Variants in TMC5 observed in about 807,000 individuals in gnomAD.
TMC5 encodes transmembrane channel like 5.
TMC5 carries 86 observed loss-of-function variants against 110.5 expected under a neutral mutation model. The observed-to-expected ratio is 0.78, with a 90% CI of 0.65 to 0.93. The LOEUF (loss-of-function observed/expected upper bound fraction) is 0.93. Ranked by LOEUF, TMC5 falls within the 40% of genes least tolerant of loss-of-function variation. TMC5 has a pLI of 0.00. For synonymous variants in TMC5, 455 were observed against 439.5 expected (o/e 1.04, Z -0.44); for missense variants, 1,144 against 1,222.8 (o/e 0.94, Z 0.96).
chr16:19,436,013 G>T (rs1354459759), intron 2 of TMC5, among the ~76,000 whole-genome samples: 1 of 152,064 alleles, frequency 6.6e-6, no homozygotes, highest in Non-Finnish European at 1.5e-5. Context: ...TGTAATCCTA[G>T]CACTTTGGGA....
intron 11 of TMC5, among the ~76,000 whole-genome samples, chr16:19,472,680 A>G (rs1029017553): frequency 6.6e-6 from 1 of 152,044 alleles, no homozygotes; most frequent in Non-Finnish European, 1.5e-5. Context: ...CAACATCTCT[A>G]TGAGTCATGT....
At chr16:19,424,203 T>A (rs781489186) in intron 1 of TMC5, among the ~76,000 whole-genome samples, 1 of 152,200 alleles carries the variant, frequency 6.6e-6, no homozygotes, top group African/African-American at 2.4e-5. Context: ...GGCTGTAAAG[T>A]AGAAGTTTTT....
intron 9 of TMC5, 85 bp downstream of exon 9, chr16:19,466,318 A>T: frequency 4.8e-6 from 7 of 1,463,612 alleles, no homozygotes; most frequent in Non-Finnish European, 6.6e-6. Context: ...TACCCAGGTA[A>T]CAGTTTCTCT....
At chr16:19,467,327 C>G (rs1262376089) in intron 9 of TMC5, among the ~76,000 whole-genome samples, 1 of 152,114 alleles carries the variant, frequency 6.6e-6, no homozygotes, top group African/African-American at 2.4e-5. Context: ...AGGCCTCTCT[C>G]CTTGGCTTGT....
chr16:19,443,856 G>GATGAATGGATGGATGGATGAACAT (rs1967545913), intron 3 of TMC5, among the ~76,000 whole-genome samples: 1 of 151,284 alleles, frequency 6.6e-6, no homozygotes, highest in Non-Finnish European at 1.5e-5. Flanking sequence ...TGGATGAACA[G>GATGAATGGATGGATGGATGAACAT]ATGAATCAAT....
intron 1 of TMC5, among the ~76,000 whole-genome samples, chr16:19,419,941 A>G (rs1454717805): frequency 6.6e-6 from 1 of 152,226 alleles, no homozygotes; most frequent in Non-Finnish European, 1.5e-5. Flanking sequence ...AAATCACAGC[A>G]GCTAGAATGC....
intron 2 of TMC5, among the ~76,000 whole-genome samples, chr16:19,436,944 C>T (rs750542272): frequency 2.6e-5 from 4 of 152,042 alleles, no homozygotes; most frequent in Non-Finnish European, 5.9e-5. Flanking sequence ...TTTGGGAGGC[C>T]GAGATCAGAT....
intron 14 of TMC5, among the ~76,000 whole-genome samples, chr16:19,479,932 C>CAAAA (rs34291127): frequency 1.0e-5 from 1 of 95,754 alleles, no homozygotes; most frequent in Non-Finnish European, 2.4e-5. Context: ...TGTCTCTATC[C>CAAAA]AAAAAAAAAA....
rs1597225560 is a variant in TMC5, at chr16:19,497,144, G to A, written c.2955G>A (p.Gly985=). 6.2e-7 allele frequency: 1 copy of A among 1,613,930 alleles called. No individual in the cohort carries two copies. Among genetic ancestry groups the A allele is most frequent in the East Asian group, 2.2e-5 (1 of 44,878 alleles). ...AGCAACAAGGCTTTTTGCATTTGGG[G>A]GAACATGATGGCAGTCTTGGTGAGT... The part of the protein sequence containing the change: ...EVEQQGFLHL[G]EHDGSLDLRS... The change falls in exon 21 of 22, where the codon GGG becomes GGA. Residue 985 remains glycine (G), a synonymous_variant. Coordinates refer to ENST00000542583, the MANE Select transcript of TMC5 (RefSeq NM_001261841.2).
intron 1 of TMC5, among the ~76,000 whole-genome samples, chr16:19,418,727 GTT>G (rs57232416): frequency 0.06 from 7,152 of 118,992 alleles, 517 homozygotes; most frequent in African/African-American, 0.19. Flanking sequence ...TGATTTTTGT[GTT>G]TTTTTTTTTT....
Position 19,440,732 on chromosome 16 carries a change from CAG to C in TMC5, c.696_697del (p.Asn233LeufsTer9), listed in dbSNP as rs1262945530. 4 of 1,614,058 alleles carry C rather than the reference CAG, an allele frequency of 2.5e-6. No individual in the cohort carries two copies. The African/African-American group carries it at 5.3e-5, about 22-fold the overall frequency. ...EPDYPSAEDN[Q>X]NLPSTWREPD... ...AGACTATCCCAGTGCTGAGGACAAT[CAG>C]AACTTGCCAAGCACTTGGAGAGAAC... On this transcript the variant is annotated frameshift_variant, in exon 3 of 22. Coordinates refer to ENST00000542583, the MANE Select transcript of TMC5 (RefSeq NM_001261841.2). LOFTEE classifies it high-confidence loss of function.
At chr16:19,441,470 C>T (rs1967489795) in intron 3 of TMC5, among the ~76,000 whole-genome samples, 1 of 151,968 alleles carries the variant, frequency 6.6e-6, no homozygotes, top group African/African-American at 2.4e-5. Context: ...CAGGTGTGCA[C>T]CTATTATGCC....
At chr16:19,423,814 C>A (rs1321396879) in intron 1 of TMC5, among the ~76,000 whole-genome samples, 1 of 152,080 alleles carries the variant, frequency 6.6e-6, no homozygotes, top group Non-Finnish European at 1.5e-5. Context: ...TGCAGTGGTG[C>A]CATCTTGGCT....
intron 1 of TMC5, among the ~76,000 whole-genome samples, chr16:19,425,142 C>T (rs933346051): frequency 6.6e-6 from 1 of 152,076 alleles, no homozygotes; most frequent in Non-Finnish European, 1.5e-5. Context: ...GGAATAAAGA[C>T]CAAAGATATA....
chr16:19,438,541 G>A (rs1364208157), intron 2 of TMC5, among the ~76,000 whole-genome samples: 1 of 151,832 alleles, frequency 6.6e-6, no homozygotes, highest in Non-Finnish European at 1.5e-5. Context: ...GAGGTCAGGA[G>A]TTTGAGACCA....
At chr16:19,497,225 C>G in intron 21 of TMC5, 62 bp downstream of exon 21, 1 of 1,541,104 alleles carries the variant, frequency 6.5e-7, no homozygotes, top group Non-Finnish European at 8.9e-7. Context: ...TATCCTAAGA[C>G]AAGTGTAAGA....
At chr16:19,442,520 G>C (rs898215881) in intron 3 of TMC5, among the ~76,000 whole-genome samples, 9 of 152,016 alleles carry the variant, frequency 5.9e-5, no homozygotes, top group African/African-American at 1.9e-4. Context: ...GTACAGACAG[G>C]GTTTCACCAT....
chr16:19,450,928 T>A (rs1232039329), intron 5 of TMC5, among the ~76,000 whole-genome samples: 1 of 152,182 alleles, frequency 6.6e-6, no homozygotes, highest in Non-Finnish European at 1.5e-5. Context: ...TAAGGATCAC[T>A]GTGTGTGGTG....
intron 2 of TMC5, 84 bp from the exon 3 acceptor site, chr16:19,439,876 A>G (rs1257727691): frequency 1.6e-6 from 1 of 622,072 alleles, no homozygotes; most frequent in Admixed American, 2.9e-5. Context: ...ACGAAAGGAG[A>G]ACAGATACTG....
Sources: allele counts gnomAD v4.1 joint callset (sites outside exome capture counted in the v4.1 genomes callset), GRCh38; gene constraint gnomAD v4.1.1; transcripts MANE v1.5; gene names NCBI Gene and HGNC (gene_info 2026-07-23, HGNC 2026-07-21).